The following LPIN1 variants were observed in gnomAD, a reference collection of about 807,000 sequenced individuals.
LPIN1 encodes lipin 1, also known as phosphatidate phosphatase LPIN1.
Under a neutral mutation model 107.5 loss-of-function variants are expected in LPIN1, and 71 were observed. The ratio of observed to expected loss-of-function variants is 0.66; its 90% confidence interval spans 0.55 to 0.80. The LOEUF (loss-of-function observed/expected upper bound fraction) is 0.80, where lower values mean the gene tolerates loss of function less well. LPIN1 is among the 30% of genes least tolerant of loss of function. LPIN1 has a pLI of 0.00. For synonymous variants in LPIN1, 445 were observed against 452.6 expected, an observed-to-expected ratio of 0.98 and a Z score of 0.21; for missense variants, 1,043 against 1,160.6, an observed-to-expected ratio of 0.90 and a Z score of 1.47.
At chr2:11,767,970 A>AG in intron 3 of LPIN1, 112 bp downstream of exon 3, 1 of 759,988 alleles carries the variant, frequency 1.3e-6, no homozygotes, top group Non-Finnish European at 2.4e-6. Flanking sequence ...GGCTGTGTGG[A>AG]CGATGGGGCA....
chr2:11,699,786 G>A (rs1047512894), intron 1 of LPIN1, among the ~76,000 whole-genome samples: 18 of 152,148 alleles, frequency 1.2e-4, no homozygotes, highest in Non-Finnish European at 2.9e-5. Context: ...GCACAGGCAA[G>A]CAAAGTGATA....
chr2:11,784,600 C>T (rs1674169311), intron 9 of LPIN1: 1 of 519,824 alleles, frequency 1.9e-6, no homozygotes, highest in African/African-American at 1.9e-5. Flanking sequence ...AGGGCTGGCG[C>T]CTGGAGGGGA....
intron 5 of LPIN1, among the ~76,000 whole-genome samples, chr2:11,775,841 C>G (rs913522685): frequency 6.8e-6 from 1 of 147,388 alleles, no homozygotes; most frequent in Non-Finnish European, 1.5e-5. Context: ...TATATATAAT[C>G]TTTATATAAA....
intron 1 of LPIN1, among the ~76,000 whole-genome samples, chr2:11,690,405 A>G (rs1175439184): frequency 1.3e-5 from 2 of 152,216 alleles, no homozygotes; most frequent in African/African-American, 2.4e-5. Flanking sequence ...ATCCTTTGCC[A>G]TGTGTGCTCT....
At chr2:11,778,191 T>TG (rs1461968278) in intron 6 of LPIN1, among the ~76,000 whole-genome samples, 1 of 152,118 alleles carries the variant, frequency 6.6e-6, no homozygotes, top group Non-Finnish European at 1.5e-5. Context: ...CAGAAATGTG[T>TG]GTCTGTTGGG....
At chr2:11,764,732 C>T (rs968419528) in intron 1 of LPIN1, among the ~76,000 whole-genome samples, 5 of 152,232 alleles carry the variant, frequency 3.3e-5, no homozygotes, top group Non-Finnish European at 7.3e-5. Flanking sequence ...TGTTTTTCAA[C>T]TAATATCAAG....
At chr2:11,781,942 A>C (rs1385341588) in intron 7 of LPIN1, among the ~76,000 whole-genome samples, 1 of 152,250 alleles carries the variant, frequency 6.6e-6, no homozygotes, top group Non-Finnish European at 1.5e-5. Context: ...AACAGCATTT[A>C]GGGTGCTCCT....
At chr2:11,696,509 A>G (rs986621326) in intron 1 of LPIN1, among the ~76,000 whole-genome samples, 1 of 152,138 alleles carries the variant, frequency 6.6e-6, no homozygotes, top group Non-Finnish European at 1.5e-5. Flanking sequence ...CTTAAACTAG[A>G]TGTTTCTCAA....
intron 14 of LPIN1, 67 bp from the exon 15 acceptor site, chr2:11,802,840 C>T: frequency 1.9e-6 from 3 of 1,576,002 alleles, no homozygotes; most frequent in Non-Finnish European, 2.6e-6. Context: ...TGATTAAAGG[C>T]TAATGCATTT....
At chr2:11,768,619 A>G (rs1671322000) in intron 3 of LPIN1, among the ~76,000 whole-genome samples, 2 of 151,948 alleles carry the variant, frequency 1.3e-5, no homozygotes, top group African/African-American at 2.4e-5. Flanking sequence ...GACCATGTCC[A>G]TTCATCTGTT....
chr2:11,792,622 A>G (rs1675968635), intron 13 of LPIN1, among the ~76,000 whole-genome samples: 2 of 152,174 alleles, frequency 1.3e-5, no homozygotes, highest in Admixed American at 6.5e-5. Flanking sequence ...GGCTCAAGCG[A>G]TCTGCCTGCC....
At chr2:11,681,486 C>A (rs1454230798) in intron 1 of LPIN1, 3 of 157,904 alleles carry the variant, frequency 1.9e-5, no homozygotes, top group South Asian at 3.5e-4. Context: ...CGCCTTCTGC[C>A]GTCATTGTAA....
chr2:11,711,609 A>G (rs1484917371), intron 1 of LPIN1, among the ~76,000 whole-genome samples: 1 of 152,158 alleles, frequency 6.6e-6, no homozygotes, highest in Non-Finnish European at 1.5e-5. Flanking sequence ...TAGAAACTTC[A>G]GGCATCCTTG....
At position 11,771,768 on chromosome 2, in the gene LPIN1, CT is replaced by C; in HGVS notation, c.596+91del. The C allele has an allele frequency of 1.5e-6, 2 of 1,367,932 alleles. No homozygotes were observed. Among genetic ancestry groups the C allele is most frequent in the Non-Finnish European group, 2.0e-6 (2 of 997,086 alleles). The allele number at this position is 1,367,932 out of a possible 1,614,324, so 84.7% of individuals were successfully genotyped here. On this transcript the variant is annotated intron_variant, in intron 4 of 20. Coordinates refer to ENST00000674199, the MANE Select transcript of LPIN1 (RefSeq NM_001349206.2). The surrounding 1 kb of genome is among the most constrained non-coding windows in gnomAD (Gnocchi z 4.8). The stretch of plus-strand genomic sequence containing the variant: ...TTTATGAACTTTTCCCCCATAATTC[CT>C]TATTCTTTTATGTGTTTTAGACCAG...
rs2148656082 is a variant in LPIN1 at position 11,782,225 on chromosome 2, G to A, written c.982G>A (p.Glu328Lys). The change falls in exon 8 of 21, where the codon GAG (glutamate) becomes AAG (lysine). Residue 328 changes from glutamate (E) to lysine (K), a missense_variant. By Grantham distance (56) the Glu-to-Lys change is moderately conservative (BLOSUM62 1). Transcript: ENST00000674199. The part of the protein sequence containing the change: ...AKSSSPHKMK[E>K]SSPLSSRKIC... ...GTCTTCTTCTCCACACAAGATGAAA[G>A]AGTCCAGCCCATTGAGCAGTAGAAA... 2 of 1,614,050 alleles carry A rather than the reference G, an allele frequency of 1.2e-6. No individual in the cohort carries two copies. The highest frequency in any genetic ancestry group is 1.7e-6 in the Non-Finnish European group (2 of 1,179,962).
At chr2:11,760,564 G>C (rs984168340) in intron 1 of LPIN1, among the ~76,000 whole-genome samples, 17 of 152,308 alleles carry the variant, frequency 1.1e-4, no homozygotes, top group African/African-American at 3.6e-4. Context: ...GCCTGCAATC[G>C]CAGGCACTCG....
intron 1 of LPIN1, among the ~76,000 whole-genome samples, chr2:11,764,979 G>A (rs1196540345): frequency 6.6e-6 from 1 of 152,232 alleles, no homozygotes; most frequent in East Asian, 1.9e-4. Flanking sequence ...CTCTGGGAGA[G>A]TGGAGACTGG....
intron 1 of LPIN1, among the ~76,000 whole-genome samples, chr2:11,761,561 G>A (rs1669836101): frequency 6.6e-6 from 1 of 151,940 alleles, no homozygotes; most frequent in Admixed American, 6.6e-5. Context: ...GAACCTGGGA[G>A]GGCTTCTTGC....
intron 2 of LPIN1, among the ~76,000 whole-genome samples, chr2:11,719,258 C>T (rs1663958886): frequency 6.6e-6 from 1 of 151,966 alleles, no homozygotes; most frequent in South Asian, 2.1e-4. Flanking sequence ...GCAGGGTTTC[C>T]TCAAATGCCT....
Sources: allele counts gnomAD v4.1 joint callset (sites outside exome capture counted in the v4.1 genomes callset), GRCh38; gene constraint gnomAD v4.1.1; non-coding constraint Gnocchi (gnomAD v3.1); transcripts MANE v1.5; gene names NCBI Gene and HGNC (gene_info 2026-07-23, HGNC 2026-07-21).